Variants in SPAG17 observed in about 807,000 individuals in gnomAD.
SPAG17 encodes sperm-associated antigen 17.
SPAG17 carries 169 observed loss-of-function variants against 273.6 expected under a neutral mutation model. The ratio of observed to expected loss-of-function variants is 0.62; its 90% CI spans 0.55 to 0.70. The LOEUF is 0.70. Among genes scored for constraint, SPAG17 ranks in the 30% least tolerant of loss-of-function variants. The pLI is 0.00. For missense variants in SPAG17, 2,557 were observed against 2,627.8 expected (o/e 0.97, Z 0.59); for synonymous variants, 825 against 873.2 (o/e 0.94, Z 0.97).
intron 42 of SPAG17, among the ~76,000 whole-genome samples, chr1:117,982,010 A>C (rs1655873117): frequency 6.6e-6 from 1 of 152,166 alleles, no homozygotes; most frequent in Admixed American, 6.5e-5. Flanking sequence ...GAGAATAAGC[A>C]GTGTTTGGTT....
intron 3 of SPAG17, 138 bp downstream of exon 3, chr1:118,150,405 A>AC: frequency 2.3e-6 from 1 of 436,532 alleles, no homozygotes; most frequent in Non-Finnish European, 4.1e-6. Flanking sequence ...GTGTGTGTTC[A>AC]CCATCAGGAA....
Position 118,081,320 on chromosome 1 carries a change from C to T in SPAG17, c.1991-1G>A. The T allele has an allele frequency of 6.2e-7, 1 of 1,613,568 alleles. No individual in the cohort carries two copies. Among genetic ancestry groups the T allele is most frequent in the Non-Finnish European group, 8.5e-7 (1 of 1,179,664 alleles). On this transcript the variant is annotated splice_acceptor_variant, in intron 14 of 48. Coordinates refer to ENST00000336338, the MANE Select transcript of SPAG17 (RefSeq NM_206996.4). LOFTEE classifies it high-confidence loss of function. ...AGTGTTCTGTCTTTGATTTTAATAT[C>T]TATTCAGTGTAAGGAACATCCATGA...
In SPAG17 at chr1:118,057,069, C is replaced by T. The variant is rs1228849998; in HGVS notation, c.2541-1155G>A. Among the ~76,000 whole-genome samples the T allele has an allele frequency of 2.2e-4, 34 of 151,896 alleles. 1 individual carries two copies. Among genetic ancestry groups the T allele is most frequent in the Admixed American group, 1.9e-3 (29 of 15,236 alleles). On this transcript the variant is annotated intron_variant, in intron 18 of 48. Coordinates refer to ENST00000336338, the MANE Select transcript of SPAG17 (RefSeq NM_206996.4). ...TTGGTTCACTGCAACCTCCGCCTCC[C>T]GGGTTCAAGCAATTCTCCTGATTCA...
intron 17 of SPAG17, 149 bp from the exon 18 acceptor site, chr1:118,067,048 G>T: frequency 1.4e-6 from 1 of 702,570 alleles, no homozygotes; most frequent in Non-Finnish European, 2.2e-6. Context: ...TTCTTTCCTA[G>T]CTGCTAGAAG....
At chr1:118,149,299 CA>C (rs1659244363) in intron 3 of SPAG17, among the ~76,000 whole-genome samples, 1 of 152,180 alleles carries the variant, frequency 6.6e-6, no homozygotes. Flanking sequence ...ACATCCAAGT[CA>C]GAATGCCTGT....
intron 6 of SPAG17, 124 bp from the exon 7 acceptor site, chr1:118,097,975 G>C: frequency 3.8e-6 from 2 of 523,914 alleles, no homozygotes; most frequent in Non-Finnish European, 6.0e-6. Flanking sequence ...GTAAATAAAG[G>C]AATGTAATTT....
intron 18 of SPAG17, among the ~76,000 whole-genome samples, chr1:118,060,315 C>A: frequency 6.7e-6 from 1 of 149,048 alleles, no homozygotes; most frequent in South Asian, 2.1e-4. Flanking sequence ...TTTTTTTTTT[C>A]TTTTTCCATT....
At chr1:117,996,303 T>C in intron 34 of SPAG17, 67 bp downstream of exon 34, 1 of 1,507,696 alleles carries the variant, frequency 6.6e-7, no homozygotes, top group Non-Finnish European at 8.9e-7. Flanking sequence ...GAAGATAGAC[T>C]GGATAGTAAG....
intron 3 of SPAG17, among the ~76,000 whole-genome samples, chr1:118,146,515 A>C (rs1012420736): frequency 6.6e-6 from 1 of 152,212 alleles, no homozygotes; most frequent in African/African-American, 2.4e-5. Context: ...TTGCCATCAA[A>C]ATATGTACGG....
intron 48 of SPAG17, chr1:117,959,595 C>T: frequency 1.2e-6 from 1 of 819,034 alleles, no homozygotes; most frequent in Non-Finnish European, 1.7e-6. Flanking sequence ...CCAGCTTTGC[C>T]TGAGGGAATT....
intron 18 of SPAG17, among the ~76,000 whole-genome samples, chr1:118,059,445 G>A (rs1652041155): frequency 6.6e-6 from 1 of 151,974 alleles, no homozygotes; most frequent in Non-Finnish European, 1.5e-5. Flanking sequence ...ACTGTGGAAT[G>A]GCTAAATTGA....
intron 18 of SPAG17, among the ~76,000 whole-genome samples, chr1:118,063,741 T>C (rs1652616162): frequency 6.6e-6 from 1 of 152,172 alleles, no homozygotes; most frequent in Non-Finnish European, 1.5e-5. Flanking sequence ...AAATGGGATC[T>C]CATTAAACTA....
rs765369783 is a variant in SPAG17, at chr1:117,973,444, T to C, written c.6122A>G (p.Lys2041Arg). The change falls in exon 44 of 49, where the codon AAG becomes AGG. Residue 2041 changes from lysine (K) to arginine (R), a missense_variant. Physicochemically the swap from Lys to Arg is conservative, Grantham distance 26. Coordinates refer to ENST00000336338, the MANE Select transcript of SPAG17 (RefSeq NM_206996.4). ...LPHYLLSSKP[K>R]SQPLAKVQDS... ...TTTTACCTTTGCAAGAGGTTGAGAC[T>C]TAGGCTTGGAACTCAGCAAATAATG... The C allele has an allele frequency of 2.5e-6, 4 of 1,613,440 alleles. No individual in the cohort carries two copies. The Admixed American group carries it at 6.7e-5, about 27-fold the overall frequency.
chr1:118,162,368 T>C (rs929957995), intron 1 of SPAG17, among the ~76,000 whole-genome samples: 1 of 152,182 alleles, frequency 6.6e-6, no homozygotes, highest in Non-Finnish European at 1.5e-5. Context: ...ACTCACAACC[T>C]GGACCTTAGC....
At chr1:118,020,454 G>T (rs1342748932) in intron 28 of SPAG17, among the ~76,000 whole-genome samples, 1 of 150,622 alleles carries the variant, frequency 6.6e-6, no homozygotes, top group Non-Finnish European at 1.5e-5. Flanking sequence ...AAAAAAGAAA[G>T]AAAGAAAGGA....
chr1:118,039,159 C>A, intron 23 of SPAG17, 133 bp downstream of exon 23: 3 of 915,074 alleles, frequency 3.3e-6, no homozygotes, highest in Non-Finnish European at 4.9e-6. Flanking sequence ...CAACTTCATG[C>A]ACTATTAATA....
intron 1 of SPAG17, among the ~76,000 whole-genome samples, chr1:118,154,195 C>T (rs146708597): frequency 1.3e-5 from 2 of 152,142 alleles, no homozygotes; most frequent in African/African-American, 4.8e-5. Context: ...TCTTAAGAGT[C>T]GAGCTCTGTC....
intron 11 of SPAG17, 25 bp downstream of exon 11, chr1:118,086,846 A>T: frequency 6.2e-7 from 1 of 1,614,100 alleles, no homozygotes; most frequent in South Asian, 1.1e-5. Context: ...AAGCATGAAG[A>T]CTCTGCTATC....
intron 25 of SPAG17, among the ~76,000 whole-genome samples, chr1:118,030,612 C>T (rs1648339661): frequency 1.3e-5 from 2 of 152,066 alleles, no homozygotes; most frequent in Admixed American, 1.3e-4. Flanking sequence ...CCCTGACAGG[C>T]CCCAGTGTGT....
Sources: allele counts gnomAD v4.1 joint callset (sites outside exome capture counted in the v4.1 genomes callset), GRCh38; gene constraint gnomAD v4.1.1; transcripts MANE v1.5; gene names NCBI Gene and HGNC (gene_info 2026-07-23, HGNC 2026-07-21).